The following GPHN variants were observed in gnomAD, a reference collection of about 807,000 sequenced individuals.
The protein encoded by GPHN is gephyrin.
Under a neutral mutation model 95.5 loss-of-function variants are expected in GPHN, and 17 were observed. The ratio of observed to expected loss-of-function variants is 0.18; its 90% confidence interval spans 0.12 to 0.27. The LOEUF is 0.27. Ranked by LOEUF, GPHN falls within the 10% of genes least tolerant of loss-of-function variation. The pLI is 1.00. For missense variants in GPHN, 660 were observed against 978.1 expected (o/e 0.67, Z 4.34); for synonymous variants, 320 against 322.5 (o/e 0.99, Z 0.08).
chr14:67,336,662 G>T, the GPHN span: 1 of 454,324 alleles, frequency 2.2e-6, no homozygotes, highest in Admixed American at 2.4e-5. Context: ...TTGCATTCCA[G>T]CTGTGCTCTT....
the GPHN span, among the ~76,000 whole-genome samples, chr14:67,538,394 G>C: frequency 3.3e-5 from 5 of 152,196 alleles, no homozygotes. Flanking sequence ...AATTGTGTTC[G>C]TCCTCCATCT....
chr14:66,516,234 T>A (rs1387128405), intron 1 of GPHN, among the ~76,000 whole-genome samples: 3 of 151,210 alleles, frequency 2.0e-5, no homozygotes, highest in Non-Finnish European at 2.9e-5. Context: ...GCCAGGCTGG[T>A]TTTGGACTCC....
intron 12 of GPHN, among the ~76,000 whole-genome samples, 164 bp downstream of exon 12, chr14:67,089,239 T>C (rs1242776890): frequency 6.7e-6 from 1 of 148,252 alleles, no homozygotes; most frequent in East Asian, 2.0e-4. Flanking sequence ...CATTCACAGA[T>C]AACCATGTTA....
chr14:66,894,424 G>T (rs2064710472), intron 5 of GPHN, among the ~76,000 whole-genome samples: 1 of 152,114 alleles, frequency 6.6e-6, no homozygotes, highest in Non-Finnish European at 1.5e-5. Context: ...AGAAAACCTA[G>T]GCAATACCAT....
At chr14:66,635,935 G>A (rs1056446321) in intron 1 of GPHN, among the ~76,000 whole-genome samples, 1 of 151,790 alleles carries the variant, frequency 6.6e-6, no homozygotes, top group East Asian at 1.9e-4. Context: ...TCAGGAGATC[G>A]AGACCATCCT....
the GPHN span, chr14:67,392,456 G>T: frequency 1.9e-6 from 3 of 1,541,054 alleles, no homozygotes; most frequent in African/African-American, 4.1e-5. Flanking sequence ...CAAGGACTCT[G>T]CTACAGAAAA....
chr14:67,330,393 C>T, the GPHN span, among the ~76,000 whole-genome samples: 8 of 151,384 alleles, frequency 5.3e-5, no homozygotes, highest in East Asian at 1.9e-4. Flanking sequence ...AGTTGCATCC[C>T]GTAAGTTTTG....
chr14:66,929,271 C>G (rs2066653841), intron 8 of GPHN, among the ~76,000 whole-genome samples: 1 of 151,902 alleles, frequency 6.6e-6, no homozygotes, highest in Admixed American at 6.6e-5. Context: ...CCAGGCTGAT[C>G]TCGAACTCCT....
chr14:67,557,464 G>T, the GPHN span: 1 of 1,580,430 alleles, frequency 6.3e-7, no homozygotes. Context: ...TTCGACATCT[G>T]TACTGCTGGC....
chr14:66,623,617 CAAA>C lies in GPHN; in HGVS notation c.65-57471_65-57469del, dbSNP rs57810648. Among the ~76,000 whole-genome samples, 409 of 91,502 alleles carry C rather than the reference CAAA, an allele frequency of 4.5e-3. 5 individuals are homozygous for C. Among genetic ancestry groups the C allele is most frequent in the African/African-American group, 0.012 (388 of 32,798 alleles). The allele number at this position is 91,502 out of a possible 152,430, so 60.0% of individuals were successfully genotyped here. On this transcript the variant is annotated intron_variant, in intron 1 of 22. Transcript: ENST00000478722. The stretch of plus-strand genomic sequence containing the variant: ...TGTGTGTTGGAGTGAGACTCTGTTT[CAAA>C]AAAAAAAAAAAAAAAAAAGCAAAGT...
At chr14:67,106,076 T>A (rs1453344319) in intron 13 of GPHN, among the ~76,000 whole-genome samples, 1 of 152,196 alleles carries the variant, frequency 6.6e-6, no homozygotes, top group Non-Finnish European at 1.5e-5. Context: ...GAATTTATGG[T>A]AAGGCCAGTG....
chr14:66,563,382 G>A (rs2060343917), intron 1 of GPHN, among the ~76,000 whole-genome samples: 2 of 152,026 alleles, frequency 1.3e-5, no homozygotes, highest in African/African-American at 4.8e-5. Flanking sequence ...CTGGTCCAAA[G>A]GCAAGAATGA....
the GPHN span, among the ~76,000 whole-genome samples, chr14:67,566,967 G>A: frequency 2.0e-5 from 3 of 152,126 alleles, no homozygotes; most frequent in South Asian, 2.1e-4. Context: ...AAGGGGCAGC[G>A]TCAGGTCTTC....
intron 9 of GPHN, among the ~76,000 whole-genome samples, chr14:66,972,744 G>A (rs1430559369): frequency 6.6e-6 from 1 of 151,980 alleles, no homozygotes; most frequent in Non-Finnish European, 1.5e-5. Context: ...TCATGTAAAT[G>A]TAAATATTAC....
chr14:66,955,922 A>G (rs562824046), intron 8 of GPHN, among the ~76,000 whole-genome samples: 1 of 152,170 alleles, frequency 6.6e-6, no homozygotes, highest in Non-Finnish European at 1.5e-5. Context: ...TCCATGGTGT[A>G]TATGTGCCAC....
At chr14:67,722,144 C>G in the GPHN span, among the ~76,000 whole-genome samples, 1 of 152,176 alleles carries the variant, frequency 6.6e-6, no homozygotes, top group Admixed American at 6.5e-5. Flanking sequence ...AGGTTAACTG[C>G]TCTTCTGACG....
the GPHN span, among the ~76,000 whole-genome samples, chr14:67,708,192 C>T: frequency 6.6e-6 from 1 of 152,032 alleles, no homozygotes; most frequent in African/African-American, 2.4e-5. Context: ...CTGTAAATAG[C>T]TTAAAAGAAA....
At chr14:67,183,871 T>A (rs547474372), downstream of GPHN, among the ~76,000 whole-genome samples, 242 of 143,750 alleles carry the variant, frequency 1.7e-3, 5 homozygotes, top group South Asian at 3.8e-3. Context: ...CTTTTTTTTT[T>A]TAATAGGGTT....
the GPHN span, among the ~76,000 whole-genome samples, chr14:67,566,749 G>GAAAA: frequency 1.1e-3 from 141 of 134,262 alleles, 1 homozygote; most frequent in East Asian, 0.024. Flanking sequence ...ACCCTGTCTT[G>GAAAA]AAAAAAAAAA....
Sources: allele counts gnomAD v4.1 joint callset (sites outside exome capture counted in the v4.1 genomes callset), GRCh38; gene constraint gnomAD v4.1.1; transcripts MANE v1.5; gene names NCBI Gene and HGNC (gene_info 2026-07-23, HGNC 2026-07-21).